The following NLRP4 variants were observed in gnomAD, a reference collection of about 807,000 sequenced individuals.
The protein encoded by NLRP4 is NACHT, LRR and PYD domains-containing protein 4.
Under a neutral mutation model 84.7 loss-of-function variants are expected in NLRP4, and 44 were observed. The observed-to-expected ratio is 0.52, with a 90% CI of 0.41 to 0.67. The LOEUF is 0.67. Among genes scored for constraint, NLRP4 ranks in the 30% least tolerant of loss-of-function variants. NLRP4 has a pLI of 0.00. For synonymous variants in NLRP4, 544 were observed against 476.4 expected (o/e 1.14, Z -1.85); for missense variants, 1,260 against 1,219.4 (o/e 1.03, Z -0.50).
intron 1 of NLRP4, among the ~76,000 whole-genome samples, chr19:55,837,253 T>A (rs1983364970): frequency 6.6e-6 from 1 of 152,126 alleles, no homozygotes; most frequent in Non-Finnish European, 1.5e-5. Context: ...AAGATAGCTA[T>A]GGGGTCCTAT....
At chr19:55,850,170 CGTGGCTGCGGTGT>C (rs1984016576) in intron 1 of NLRP4, among the ~76,000 whole-genome samples, 1 of 133,102 alleles carries the variant, frequency 7.5e-6, no homozygotes, top group African/African-American at 3.0e-5. Context: ...GTGTAATTTC[CGTGGCTGCGGTGT>C]AATTTCCGTG....
chr19:55,851,571 CG>C (rs1984145004), intron 1 of NLRP4, among the ~76,000 whole-genome samples: 1 of 120,020 alleles, frequency 8.3e-6, no homozygotes, highest in Non-Finnish European at 1.7e-5. Flanking sequence ...GTGTAATGTC[CG>C]AGGCTGCGGT....
At chr19:55,870,215 C>G (rs982570263) in intron 6 of NLRP4, among the ~76,000 whole-genome samples, 4 of 152,150 alleles carry the variant, frequency 2.6e-5, no homozygotes, top group African/African-American at 9.7e-5. Context: ...GGAGCGGTCT[C>G]AGAAGGTCCA....
chr19:55,867,783 C>T lies in NLRP4; in HGVS notation c.2261C>T (p.Thr754Met), dbSNP rs748656609. 20 of 1,613,982 alleles carry T rather than the reference C, an allele frequency of 1.2e-5. No homozygotes were observed. Among genetic ancestry groups the T allele is most frequent in the Non-Finnish European group, 1.6e-5 (19 of 1,179,956 alleles). ...CTTCTAACCAACAACAAGAAGCTGA[C>T]GTATCTGAATGTATCCTGCAACCAG... ...AGLLTNNKKL[T>M]YLNVSCNQLD... Residue 754 changes from threonine to methionine, a missense_variant, in exon 6 of 10, where the codon ACG (threonine) becomes ATG (methionine). By Grantham distance (81) the Thr-to-Met change is moderately conservative. Transcript: ENST00000301295.
chr19:55,842,299 G>A (rs544438626), intron 1 of NLRP4, among the ~76,000 whole-genome samples: 2 of 152,112 alleles, frequency 1.3e-5, no homozygotes, highest in Admixed American at 6.6e-5. Flanking sequence ...ATAAGAGTTC[G>A]AGTTGACCAT....
At chr19:55,859,986 CTT>C (rs774606132) in intron 3 of NLRP4, among the ~76,000 whole-genome samples, 22 of 96,500 alleles carry the variant, frequency 2.3e-4, no homozygotes, top group African/African-American at 6.9e-4. Flanking sequence ...TCTTCTTGTT[CTT>C]TTTTTTTTTT....
intron 5 of NLRP4, 152 bp downstream of exon 5, chr19:55,862,311 ATAGC>A (rs1984795788): frequency 2.9e-6 from 1 of 348,288 alleles, no homozygotes. Context: ...AGAGAAGACT[ATAGC>A]GTAAGTCTCC....
At chr19:55,866,463 T>C (rs2058010286) in intron 5 of NLRP4, among the ~76,000 whole-genome samples, 1 of 152,200 alleles carries the variant, frequency 6.6e-6, no homozygotes, top group Non-Finnish European at 1.5e-5. Flanking sequence ...ACAACTCCCA[T>C]AATGGCTTTC....
chr19:55,861,917 T>C (rs1984772470), intron 4 of NLRP4, 75 bp from the exon 5 acceptor site: 3 of 977,256 alleles, frequency 3.1e-6, no homozygotes, highest in Admixed American at 3.6e-5. Flanking sequence ...TGATGGATGA[T>C]GAGAGACAAA....
At position 55,862,065 on chromosome 19, in the gene NLRP4, T is replaced by C; in HGVS notation, c.2092T>C (p.Tyr698His). 1.9e-6 allele frequency: 3 copies of C among 1,612,714 alleles called. No individual in the cohort carries two copies. The highest frequency in any genetic ancestry group is 1.7e-4 in the Middle Eastern group (1 of 6,054). The change falls in exon 5 of 10, where the codon TAC (tyrosine) becomes CAC (histidine). Residue 698 changes from tyrosine to histidine, a missense_variant. Coordinates refer to ENST00000301295, the MANE Select transcript of NLRP4 (RefSeq NM_134444.5). ...GCTCTTTTATCAGCCAGACTTGAAA[T>C]ACCTGAGCTTCACCCTCACGAAACT... is the stretch of plus-strand genomic sequence containing the variant. ...EVLFYQPDLK[Y>H]LSFTLTKLSR...
intron 1 of NLRP4, among the ~76,000 whole-genome samples, chr19:55,848,567 C>T (rs1164288356): frequency 6.6e-6 from 1 of 152,052 alleles, no homozygotes. Flanking sequence ...CCACATCCGG[C>T]TAATTTTTTG....
intron 1 of NLRP4, among the ~76,000 whole-genome samples, chr19:55,849,288 T>G (rs559867694): frequency 2.0e-5 from 3 of 152,330 alleles, no homozygotes; most frequent in African/African-American, 7.2e-5. Flanking sequence ...ATCTGGACAC[T>G]GGGTGTATCG....
chr19:55,858,082 T>C lies in NLRP4; in HGVS notation c.689T>C (p.Ile230Thr). 1 of 1,614,186 alleles carries C rather than the reference T, an allele frequency of 6.2e-7. No individual in the cohort carries two copies. Among genetic ancestry groups the C allele is most frequent in the Non-Finnish European group, 8.5e-7 (1 of 1,180,034 alleles). Residue 230 changes from isoleucine (I) to threonine (T), a missense_variant, in exon 3 of 10, where the codon ATC (isoleucine) becomes ACC (threonine). This residue lies in a region of NLRP4 where 712 missense variants were observed against 669.2 expected (regional missense o/e 1.06). Transcript: ENST00000301295. The surrounding 1 kb of genome is among the most constrained non-coding windows in gnomAD (Gnocchi z 4.2). ...VSQPERLLFV[I>T]DSFEELQGGL... Reference sequence around the variant, plus strand: ...CAACCGGAGAGACTCTTGTTCGTCATCGACAGCTTCGAAGAGCTGCAGGGC... The same window carrying C: ...CAACCGGAGAGACTCTTGTTCGTCACCGACAGCTTCGAAGAGCTGCAGGGC...
intron 2 of NLRP4, among the ~76,000 whole-genome samples, chr19:55,853,923 T>TTCTCTTTCTCTCTC (rs1984301234): frequency 6.7e-6 from 1 of 149,854 alleles, no homozygotes; most frequent in South Asian, 2.1e-4. Context: ...TTCTTTCTCT[T>TTCTCTTTCTCTCTC]TCTCTTTCTC....
intron 2 of NLRP4, among the ~76,000 whole-genome samples, chr19:55,856,794 A>C (rs62128164): frequency 6.6e-6 from 1 of 151,960 alleles, no homozygotes; most frequent in Non-Finnish European, 1.5e-5. Flanking sequence ...GATTACAGGC[A>C]TGAACCACTG....
At chr19:55,846,527 A>G (rs1983801089) in intron 1 of NLRP4, among the ~76,000 whole-genome samples, 1 of 152,200 alleles carries the variant, frequency 6.6e-6, no homozygotes, top group Non-Finnish European at 1.5e-5. Context: ...GTGGTTTTCA[A>G]ATCTGGGCAT....
At chr19:55,849,890 G>C (rs111810148) in intron 1 of NLRP4, among the ~76,000 whole-genome samples, 1 of 13,474 alleles carries the variant, frequency 7.4e-5, no homozygotes, top group African/African-American at 2.9e-4. Flanking sequence ...TGTAATTTCC[G>C]TGGCCGGCGG....
chr19:55,865,464 C>G (rs1393932584), intron 5 of NLRP4, among the ~76,000 whole-genome samples: 1 of 152,108 alleles, frequency 6.6e-6, no homozygotes, highest in East Asian at 1.9e-4. Context: ...GATTTATATT[C>G]CTTTGGGTAT....
intron 7 of NLRP4, among the ~76,000 whole-genome samples, chr19:55,875,719 C>G (rs144276998): frequency 1.3e-5 from 2 of 151,824 alleles, no homozygotes; most frequent in Non-Finnish European, 2.9e-5. Context: ...CCAAGAATAC[C>G]TAAGAAACAC....
Sources: gnomAD v4.1 joint callset for allele counts (sites outside exome capture counted in the v4.1 genomes callset) on GRCh38, gnomAD v4.1.1 for gene constraint, gnomAD v4.1.1 regional missense constraint, Gnocchi (gnomAD v3.1) non-coding constraint, MANE v1.5 for transcripts, NCBI Gene and HGNC (gene_info 2026-07-23, HGNC 2026-07-21) for gene names.